The following MBD6 variants were observed in gnomAD, a reference collection of about 807,000 sequenced individuals.
MBD6 encodes the protein methyl-CpG binding domain protein 6, also known as methyl-CpG-binding domain protein 6.
In MBD6, 22 loss-of-function variants were observed where a neutral mutation model predicts 66.8. The ratio of observed to expected loss-of-function variants is 0.33; its 90% CI spans 0.24 to 0.47. The LOEUF (loss-of-function observed/expected upper bound fraction) is 0.47. Ranked by LOEUF, MBD6 falls within the 20% of genes least tolerant of loss-of-function variation. The pLI is 1.00. For missense variants in MBD6, 1,322 were observed against 1,286.9 expected (o/e 1.03, Z -0.42); for synonymous variants, 540 against 534.6 (o/e 1.01, Z -0.14).
Position 57,526,942 on chromosome 12 carries a change from G to C in MBD6, c.1797G>C (p.Val599=). The change falls in exon 7 of 13, where the codon GTG becomes GTC. Residue 599 remains valine, a synonymous_variant. Transcript: ENST00000355673. The stretch of plus-strand genomic sequence containing the variant: ...AGCCTGAAGGGCCTTCGCTTTTGGT[G>C]GCTTCCTTGCTTCCTCCACCACCCT... ...PGEPEGPSLL[V]ASLLPPPPSD... 1 of 1,613,610 alleles carries C rather than the reference G, an allele frequency of 6.2e-7. No homozygotes were observed. Among genetic ancestry groups the C allele is most frequent in the East Asian group, 2.2e-5 (1 of 44,850 alleles).
chr12:57,521,426 C>T (rs1252944679), upstream of MBD6, among the ~76,000 whole-genome samples: 1 of 152,180 alleles, frequency 6.6e-6, no homozygotes, highest in Non-Finnish European at 1.5e-5. Flanking sequence ...CGCGCCACTG[C>T]ACTCCAGCCT....
rs1879410994 is a variant in MBD6, at chr12:57,529,478, A to G, written c.*244A>G. ...ATGTCACTGAAAAGGCCTGGGGGGG[A>G]TGGTATATGGCCCTTTCCCCACCAG... On this transcript the variant is annotated 3_prime_UTR_variant, in exon 13 of 13. Transcript: ENST00000355673. 4 of 494,300 alleles carry G rather than the reference A, an allele frequency of 8.1e-6. No homozygotes were observed. The highest frequency in any genetic ancestry group is 4.0e-5 in the Admixed American group (1 of 24,844). 30.6% of individuals were successfully genotyped at this position (494,300 alleles called of 1,614,324 possible).
Position 57,527,644 on chromosome 12 carries a change from G to A in MBD6, c.2220G>A (p.Leu740=), listed in dbSNP as rs1879108057. The change falls in exon 8 of 13, where the codon CTG becomes CTA. Residue 740 remains leucine (L), a synonymous_variant. Transcript: ENST00000355673. ...GRPPQLLSPL[L]GASLLGDLSS... is the part of the protein sequence containing the mutation. ...CCCCCCAACTCCTTAGCCCTCTGCT[G>A]GGTGCCAGCCTGCTGGGTGAGTCTG... The A allele has an allele frequency of 1.2e-6, 2 of 1,603,430 alleles. No homozygotes were observed. The highest frequency in any genetic ancestry group is 1.1e-5 in the South Asian group (1 of 89,986).
Position 57,529,433 on chromosome 12 carries a change from C to CCCCT in MBD6, c.*202_*203insTCCC. Reference sequence around the variant, plus strand: ...AGGGAAGTTCACCCCCCCCCACCACCCCCCCGCCCCCCCGAAGCCATGTCA... The same window carrying CCCCT: ...AGGGAAGTTCACCCCCCCCCACCACCCCCTCCCCCGCCCCCCCGAAGCCATGTCA... On this transcript the variant is annotated 3_prime_UTR_variant, in exon 13 of 13. Coordinates refer to ENST00000355673, the MANE Select transcript of MBD6 (RefSeq NM_052897.4). 1 of 542,708 alleles carries CCCCT rather than the reference C, an allele frequency of 1.8e-6. No individual in the cohort carries two copies. The highest frequency in any genetic ancestry group is 3.2e-6 in the Non-Finnish European group (1 of 308,146). The allele number at this position is 542,708 out of a possible 1,614,324, so 33.6% of individuals were successfully genotyped here. A position where few individuals can be genotyped will look rare whatever the true frequency, so the allele number is the denominator to read the frequency against.
At chr12:57,523,087 TCGGCCCCTTTCCC>T (rs1210073651) in intron 1 of MBD6, 76 bp downstream of exon 1, 10 of 113,252 alleles carry the variant, frequency 8.8e-5, no homozygotes, top group African/African-American at 3.4e-4. Context: ...CCGCGTCCTC[TCGGCCCCTTTCCC>T]CGGCCCCATC....
Position 57,527,089 on chromosome 12 carries a change from A to C in MBD6, c.1944A>C (p.Pro648=). The C allele has an allele frequency of 2.5e-6, 4 of 1,598,876 alleles. No homozygotes were observed. The highest frequency in any genetic ancestry group is 3.4e-6 in the Non-Finnish European group (4 of 1,170,756). ...GATCTGCAGAGGGAGCCGGGGGTCCAAGTGGGGAGCCATTTTCAGGCTTGG... is the reference window on the plus strand; with the variant it reads ...GATCTGCAGAGGGAGCCGGGGGTCCCAGTGGGGAGCCATTTTCAGGCTTGG... ...GEGSAEGAGG[P]SGEPFSGLGD... The change falls in exon 7 of 13, where the codon CCA becomes CCC. Residue 648 remains proline, a synonymous_variant. Transcript: ENST00000355673.
At chr12:57,525,321 T>C in intron 5 of MBD6, 27 bp from the exon 6 acceptor site, 1 of 1,552,392 alleles carries the variant, frequency 6.4e-7, no homozygotes, top group South Asian at 1.3e-5. Context: ...AGCCACAGGC[T>C]GACCCTTCAT....
downstream of MBD6, chr12:57,530,861 G>T: frequency 8.6e-7 from 1 of 1,166,646 alleles, no homozygotes; most frequent in South Asian, 1.3e-5. Flanking sequence ...TGAGAGAGAA[G>T]ACAAGAAATG....
downstream of MBD6, chr12:57,530,678 C>T: frequency 3.1e-6 from 5 of 1,612,198 alleles, no homozygotes; most frequent in Middle Eastern, 1.7e-4. Context: ...TTCTCCAGCT[C>T]CCAAATGTGC....
rs1473383219 is a variant in MBD6 at position 57,528,975 on chromosome 12, A to C, written c.2903A>C (p.Gln968Pro). The C allele has an allele frequency of 6.2e-7, 1 of 1,614,152 alleles. No individual in the cohort carries two copies. Among genetic ancestry groups the C allele is most frequent in the Non-Finnish European group, 8.5e-7 (1 of 1,180,026 alleles). Residue 968 changes from glutamine to proline, a missense_variant, in exon 12 of 13, where the codon CAG becomes CCG. Physicochemically the swap from Gln to Pro is moderately conservative, Grantham distance 76 (BLOSUM62 -1). Coordinates refer to ENST00000355673, the MANE Select transcript of MBD6 (RefSeq NM_052897.4). ...ACCCGGAACAGCAATAGCTCCCGCCAGGACATTACCTTGGAACCCAGCCCT... is the reference window on the plus strand; with the variant it reads ...ACCCGGAACAGCAATAGCTCCCGCCCGGACATTACCTTGGAACCCAGCCCT... ...NPTRNSNSSR[Q>P]DITLEPSPTA...
chr12:57,524,580 T>C lies in MBD6; in HGVS notation c.114-140T>C, dbSNP rs749267717. The C allele has an allele frequency of 5.4e-5, 56 of 1,046,466 alleles. 1 individual carries two copies. In the Admixed American group the frequency reaches 1.1e-3, roughly 20 times the overall value. The allele number at this position is 1,046,466 out of a possible 1,614,324, so 64.8% of individuals were successfully genotyped here. A position where few individuals can be genotyped will look rare whatever the true frequency, so the allele number is the denominator to read the frequency against. ...CTGTAGCTCTGGGCCTTTGAATCCATTCTCCCTTTTTCTGTGTCTTCCCAC... is the reference window on the plus strand; with the variant it reads ...CTGTAGCTCTGGGCCTTTGAATCCACTCTCCCTTTTTCTGTGTCTTCCCAC... On this transcript the variant is annotated intron_variant, in intron 3 of 12. Transcript: ENST00000355673.
chr12:57,523,814 T>C (rs1211009218), intron 1 of MBD6, among the ~76,000 whole-genome samples: 1 of 152,210 alleles, frequency 6.6e-6, no homozygotes, highest in Non-Finnish European at 1.5e-5. Flanking sequence ...TGGGCTAGAC[T>C]TTCTTGGTCC....
rs748946993 is a variant in MBD6 at position 57,525,393 on chromosome 12, C to T, written c.425C>T (p.Pro142Leu). 1.3e-6 allele frequency: 2 copies of T among 1,544,100 alleles called. No individual in the cohort carries two copies. The highest frequency in any genetic ancestry group is 2.2e-5 in the Admixed American group (1 of 46,080). The change falls in exon 6 of 13, where the codon CCC becomes CTC. Residue 142 changes from proline to leucine, a missense_variant. Coordinates refer to ENST00000355673, the MANE Select transcript of MBD6 (RefSeq NM_052897.4). ...PQMFHTVSPG[P>L]PSARPPCRVP... ...ATGTTCCACACTGTGTCCCCAGGGC[C>T]CCCCTCTGCCCGCCCTCCCTGTCGA... is the stretch of plus-strand genomic sequence containing the variant.
In MBD6 at chr12:57,530,044, C is replaced by G. The variant is rs1049458191; in HGVS notation, c.*810C>G. ...TGCCTTTTCTTTTGTAAAGACAAGA[C>G]CCTTGGGAGTTTTAATTCTGTTTTG... On this transcript the variant is annotated 3_prime_UTR_variant, in exon 13 of 13. Coordinates refer to ENST00000355673, the MANE Select transcript of MBD6 (RefSeq NM_052897.4). 1 of 152,606 alleles carries G rather than the reference C, an allele frequency of 6.6e-6. No individual in the cohort carries two copies. The highest frequency in any genetic ancestry group is 1.5e-5 in the Non-Finnish European group (1 of 68,068). 9.5% of individuals were successfully genotyped at this position (152,606 alleles called of 1,614,324 possible).
At position 57,526,073 on chromosome 12, in the gene MBD6, C is replaced by A; in HGVS notation, c.1105C>A (p.Pro369Thr). The A allele has an allele frequency of 6.2e-7, 1 of 1,613,978 alleles. No homozygotes were observed. Residue 369 changes from proline (P) to threonine (T), a missense_variant, in exon 6 of 13, where the codon CCC becomes ACC. Physicochemically the swap from Pro to Thr is conservative, Grantham distance 38 (BLOSUM62 -1). Transcript: ENST00000355673. ...TCCCTCTCAGCGTCGTCCCCGCAGA[C>A]CCCCTACTGTATTTCGATTGCTAGA... is the stretch of plus-strand genomic sequence containing the variant. ...LRPSQRRPRR[P>T]PTVFRLLEGR...
upstream of MBD6, among the ~76,000 whole-genome samples, chr12:57,521,416 C>G (rs940490629): frequency 3.3e-5 from 5 of 152,260 alleles, no homozygotes; most frequent in African/African-American, 1.2e-4. Flanking sequence ...TGACCGAGAT[C>G]GCGCCACTGC....
At position 57,526,079 on chromosome 12, in the gene MBD6, A is replaced by G. The variant is rs1565665164; in HGVS notation, c.1111A>G (p.Thr371Ala). 1 of 1,611,646 alleles carries G rather than the reference A, an allele frequency of 6.2e-7. No individual in the cohort carries two copies. The highest frequency in any genetic ancestry group is 1.1e-5 in the South Asian group (1 of 90,980). The change falls in exon 6 of 13, where the codon ACT becomes GCT. Residue 371 changes from threonine (T) to alanine (A), a missense_variant. By Grantham distance (58) the Thr-to-Ala change is moderately conservative (BLOSUM62 0). Transcript: ENST00000355673. ...TCAGCGTCGTCCCCGCAGACCCCCTACTGTATTTCGATTGCTAGAAGGGAG... is the reference window on the plus strand; with the variant it reads ...TCAGCGTCGTCCCCGCAGACCCCCTGCTGTATTTCGATTGCTAGAAGGGAG... ...PSQRRPRRPP[T>A]VFRLLEGRGP... is the part of the protein sequence containing the mutation.
rs771335648 is a variant in MBD6, at chr12:57,526,662, C to T, written c.1517C>T (p.Ala506Val). The T allele has an allele frequency of 1.6e-5, 24 of 1,521,084 alleles. No homozygotes were observed. Among genetic ancestry groups the T allele is most frequent in the Non-Finnish European group, 2.0e-5 (23 of 1,135,740 alleles). The allele number at this position is 1,521,084 out of a possible 1,614,324, so 94.2% of individuals were successfully genotyped here. A position where few individuals can be genotyped will look rare whatever the true frequency, so the allele number is the denominator to read the frequency against. ...SEGLGMGAGP[A>V]CPLPPLAGGE... ...GGACTGGGGATGGGGGCAGGCCCGGCCTGCCCTCTGCCTCCCCTGGCTGGT... is the reference window on the plus strand; with the variant it reads ...GGACTGGGGATGGGGGCAGGCCCGGTCTGCCCTCTGCCTCCCCTGGCTGGT... Residue 506 changes from alanine (A) to valine (V), a missense_variant, in exon 7 of 13, where the codon GCC (alanine) becomes GTC (valine). By Grantham distance (64) the Ala-to-Val change is moderately conservative (BLOSUM62 0). Transcript: ENST00000355673.
chr12:57,525,880 G>A lies in MBD6; in HGVS notation c.912G>A (p.Leu304=). The stretch of plus-strand genomic sequence containing the variant: ...ACCTGCCCCTGGTCCTGGGGCCCCT[G>A]GGAGGGGCCCCCACGGTGGAGGGGC... The part of the protein sequence containing the change: ...TMHLPLVLGP[L]GGAPTVEGPG... The change falls in exon 6 of 13, where the codon CTG becomes CTA. Residue 304 remains leucine, a synonymous_variant. Coordinates refer to ENST00000355673, the MANE Select transcript of MBD6 (RefSeq NM_052897.4). 6.2e-7 allele frequency: 1 copy of A among 1,610,954 alleles called. No homozygotes were observed. The highest frequency in any genetic ancestry group is 1.1e-5 in the South Asian group (1 of 90,988).
Sources: gnomAD v4.1 joint callset for allele counts (sites outside exome capture counted in the v4.1 genomes callset) on GRCh38, gnomAD v4.1.1 for gene constraint, MANE v1.5 for transcripts, NCBI Gene and HGNC (gene_info 2026-07-23, HGNC 2026-07-21) for gene names.